TDRD10: variants seen among roughly 807,000 people sequenced by gnomAD.
TDRD10 encodes the protein tudor domain containing 10, also known as tudor domain-containing protein 10.
A neutral mutation model predicts 48.0 loss-of-function variants in TDRD10; 40 were observed. The observed-to-expected ratio is 0.83, with a 90% CI of 0.65 to 1.09. The LOEUF (loss-of-function observed/expected upper bound fraction) is 1.09. Ranked by LOEUF, TDRD10 falls within the 50% of genes least tolerant of loss-of-function variation. TDRD10 has a pLI of 0.00. For synonymous variants in TDRD10, 162 were observed against 170.4 expected, an observed-to-expected ratio of 0.95 and a Z score of 0.38; for missense variants, 378 against 434.7, an observed-to-expected ratio of 0.87 and a Z score of 1.16.
rs1237955291 is a variant in TDRD10, at chr1:154,543,819, A to G, written c.504-144A>G. The G allele has an allele frequency of 2.4e-6, 3 of 1,225,504 alleles. No individual in the cohort carries two copies. In the African/African-American group the frequency reaches 4.5e-5, roughly 19 times the overall value. The allele number at this position is 1,225,504 out of a possible 1,614,324, so 75.9% of individuals were successfully genotyped here. A position where few individuals can be genotyped will look rare whatever the true frequency, so the allele number is the denominator to read the frequency against. ...GGGAACTGGCTTTAGCTCCCACCCT[A>G]GAGGGGGTGGGCACAGCCTTTCTGC... On this transcript the variant is annotated intron_variant, in intron 8 of 12. Coordinates refer to ENST00000368482, the MANE Select transcript of TDRD10 (RefSeq NM_182499.4).
At position 154,535,264 on chromosome 1, in the gene TDRD10, G is replaced by A. The variant is rs546120079; in HGVS notation, c.370-6760G>A. ...CACCTGTAATTCCAGCTACTCGGGA[G>A]GCTGAGGCAGGAGAATCCCTGGAAC... is the stretch of plus-strand genomic sequence containing the variant. On this transcript the variant is annotated intron_variant, in intron 6 of 12. Coordinates refer to ENST00000368482, the MANE Select transcript of TDRD10 (RefSeq NM_182499.4). Among the ~76,000 whole-genome samples the A allele has an allele frequency of 1.1e-3, 165 of 152,192 alleles. 1 individual carries two copies. The Middle Eastern group carries it at 0.014, about 13-fold the overall frequency.
chr1:154,547,605 G>T (rs1247460000), intron 12 of TDRD10, 73 bp from the exon 13 acceptor site: 1 of 1,614,082 alleles, frequency 6.2e-7, no homozygotes, highest in Non-Finnish European at 8.5e-7. Flanking sequence ...AAACGAACTG[G>T]TTATCTGAGG....
intron 4 of TDRD10, among the ~76,000 whole-genome samples, chr1:154,515,960 G>C (rs1204918624): frequency 6.6e-6 from 1 of 152,056 alleles, no homozygotes; most frequent in Admixed American, 6.6e-5. Flanking sequence ...CAGGTGATCT[G>C]CCTGCCTCGG....
At chr1:154,518,441 T>G (rs1693882558) in intron 4 of TDRD10, among the ~76,000 whole-genome samples, 1 of 152,234 alleles carries the variant, frequency 6.6e-6, no homozygotes, top group African/African-American at 2.4e-5. Flanking sequence ...AAACTTTTTT[T>G]TTTTGAGACG....
In TDRD10 at chr1:154,547,738, C is replaced by T; in HGVS notation, c.*28C>T. ...GGGCTTCCCTCAGCATGTTCCCTCTCCTGTTTGCCACGGATCCAGAGGCCA... is the reference window on the plus strand; with the variant it reads ...GGGCTTCCCTCAGCATGTTCCCTCTTCTGTTTGCCACGGATCCAGAGGCCA... On this transcript the variant is annotated 3_prime_UTR_variant, in exon 13 of 13. Transcript: ENST00000368482. The T allele has an allele frequency of 6.2e-7, 1 of 1,612,506 alleles. No individual in the cohort carries two copies. The highest frequency in any genetic ancestry group is 8.5e-7 in the Non-Finnish European group (1 of 1,179,782).
At chr1:154,533,899 T>A (rs1011869301) in intron 6 of TDRD10, among the ~76,000 whole-genome samples, 2 of 90,602 alleles carry the variant, frequency 2.2e-5, no homozygotes, top group African/African-American at 3.1e-5. Flanking sequence ...ATATATTTTT[T>A]TTTAATTTTC....
At chr1:154,533,880 T>C (rs1050556664) in intron 6 of TDRD10, among the ~76,000 whole-genome samples, 13 of 74,932 alleles carry the variant, frequency 1.7e-4, no homozygotes, top group Non-Finnish European at 3.5e-4. Context: ...CAGCCATATA[T>C]ATATATATAT....
intron 6 of TDRD10, among the ~76,000 whole-genome samples, chr1:154,532,170 G>A (rs1055404115): frequency 5.3e-5 from 8 of 152,204 alleles, no homozygotes; most frequent in South Asian, 2.1e-4. Context: ...CTCAGGCAGC[G>A]CAGGAGCCCA....
intron 11 of TDRD10, among the ~76,000 whole-genome samples, chr1:154,545,354 G>T (rs1311972066): frequency 6.6e-6 from 1 of 152,200 alleles, no homozygotes; most frequent in Non-Finnish European, 1.5e-5. Flanking sequence ...CTAGACGCCA[G>T]AGCACAGCAC....
At chr1:154,506,935 G>T (rs1483481609) in intron 2 of TDRD10, 30 bp downstream of exon 2, 3 of 1,614,192 alleles carry the variant, frequency 1.9e-6, no homozygotes, top group East Asian at 4.5e-5. Flanking sequence ...TGATGAGCAA[G>T]CCTCGCTCCA....
intron 4 of TDRD10, among the ~76,000 whole-genome samples, chr1:154,509,239 C>T (rs1693314512): frequency 6.6e-6 from 1 of 152,046 alleles, no homozygotes; most frequent in Non-Finnish European, 1.5e-5. Flanking sequence ...TGTGGAACCC[C>T]TGCAGCATGC....
chr1:154,524,218 G>T (rs1406368167), intron 6 of TDRD10, among the ~76,000 whole-genome samples: 1 of 152,166 alleles, frequency 6.6e-6, no homozygotes, highest in Non-Finnish European at 1.5e-5. Flanking sequence ...CCAGGCTGGA[G>T]TGCAGTGGCT....
chr1:154,542,040 C>T lies in TDRD10; in HGVS notation c.386C>T (p.Ser129Phe). ...TCTTCCCAGGTGTTGGAGAAGGCTT[C>T]TGGTGAAGGATTTGGCAAAACCGCC... ...PRAPLVLEKA[S>F]GEGFGKTAAI... The change falls in exon 7 of 13, where the codon TCT (serine) becomes TTT (phenylalanine). Residue 129 changes from serine (S) to phenylalanine (F), a missense_variant. By Grantham distance (155) the Ser-to-Phe change is radical (BLOSUM62 -2). This residue lies in a region of TDRD10 where 310 missense variants were observed against 323.6 expected (regional missense o/e 0.96). Transcript: ENST00000368482. 6.2e-7 allele frequency: 1 copy of T among 1,614,000 alleles called. No homozygotes were observed. The highest frequency in any genetic ancestry group is 8.5e-7 in the Non-Finnish European group (1 of 1,179,940).
At chr1:154,517,417 G>A (rs1322109405) in intron 4 of TDRD10, among the ~76,000 whole-genome samples, 1 of 149,634 alleles carries the variant, frequency 6.7e-6, no homozygotes, top group African/African-American at 2.5e-5. Context: ...GCTGATATTA[G>A]ACCTTTTTTT....
intron 4 of TDRD10, among the ~76,000 whole-genome samples, chr1:154,517,227 T>C (rs73022023): frequency 1.3e-5 from 2 of 152,058 alleles, no homozygotes; most frequent in African/African-American, 2.4e-5. Flanking sequence ...GGCAGGTGGT[T>C]GTTGATCCCT....
At chr1:154,507,580 C>T (rs1318460348) in intron 3 of TDRD10, among the ~76,000 whole-genome samples, 20 of 152,166 alleles carry the variant, frequency 1.3e-4, no homozygotes, top group Admixed American at 1.3e-3. Flanking sequence ...TGCCTTCTTC[C>T]AATTTTCCCT....
At chr1:154,508,632 G>A in intron 4 of TDRD10, 151 bp downstream of exon 4, 1 of 648,526 alleles carries the variant, frequency 1.5e-6, no homozygotes, top group East Asian at 2.6e-5. Context: ...GGTAACCAAT[G>A]CATCACAGTT....
intron 4 of TDRD10, among the ~76,000 whole-genome samples, chr1:154,516,403 G>C (rs1693771267): frequency 6.6e-6 from 1 of 152,060 alleles, no homozygotes; most frequent in Admixed American, 6.6e-5. Flanking sequence ...TTCCACATAG[G>C]GGGATGAGTA....
At chr1:154,512,927 G>A (rs1693559412) in intron 4 of TDRD10, among the ~76,000 whole-genome samples, 1 of 152,152 alleles carries the variant, frequency 6.6e-6, no homozygotes, top group African/African-American at 2.4e-5. Context: ...GTGCTGAAGT[G>A]TTTGCATGTG....
Sources: gnomAD v4.1 joint callset for allele counts (sites outside exome capture counted in the v4.1 genomes callset) on GRCh38, gnomAD v4.1.1 for gene constraint, gnomAD v4.1.1 regional missense constraint, MANE v1.5 for transcripts, NCBI Gene and HGNC (gene_info 2026-07-23, HGNC 2026-07-21) for gene names.